RAI14: variants seen among roughly 807,000 people sequenced by gnomAD.
RAI14 encodes the protein retinoic acid induced 14.
RAI14 carries 45 observed loss-of-function variants against 115.4 expected under a neutral mutation model. The ratio of observed to expected loss-of-function variants is 0.39; its 90% CI spans 0.31 to 0.50. The LOEUF (loss-of-function observed/expected upper bound fraction) is 0.50. RAI14 is among the 20% of genes least tolerant of loss of function. RAI14 has a pLI of 0.85. For missense variants in RAI14, 939 were observed against 1,131.2 expected (o/e 0.83, Z 2.44); for synonymous variants, 371 against 415.4 (o/e 0.89, Z 1.30).
intron 2 of RAI14, among the ~76,000 whole-genome samples, chr5:34,728,258 A>C (rs1743730128): frequency 6.6e-6 from 1 of 152,200 alleles, no homozygotes; most frequent in Non-Finnish European, 1.5e-5. Flanking sequence ...GTCTTGTCTC[A>C]GATGAGACTT....
intron 3 of RAI14, among the ~76,000 whole-genome samples, chr5:34,766,845 C>T (rs542276853): frequency 6.6e-6 from 1 of 152,276 alleles, no homozygotes; most frequent in East Asian, 1.9e-4. Flanking sequence ...TCCCATAATT[C>T]CTACATATTG....
At chr5:34,771,506 A>G (rs1029308114) in intron 3 of RAI14, among the ~76,000 whole-genome samples, 1 of 152,242 alleles carries the variant, frequency 6.6e-6, no homozygotes, top group Non-Finnish European at 1.5e-5. Context: ...TTCAGCCGGT[A>G]ATCAGAAACC....
chr5:34,753,085 A>G (rs1173486712), intron 2 of RAI14, among the ~76,000 whole-genome samples: 3 of 152,160 alleles, frequency 2.0e-5, no homozygotes, highest in Non-Finnish European at 4.4e-5. Flanking sequence ...CAGCTTTCAT[A>G]GAGTTGAAAA....
At chr5:34,724,452 G>C (rs1459814470) in intron 2 of RAI14, among the ~76,000 whole-genome samples, 1 of 152,122 alleles carries the variant, frequency 6.6e-6, no homozygotes, top group African/African-American at 2.4e-5. Context: ...CTAATAAATT[G>C]TAACCCACAA....
At chr5:34,720,401 A>ATTTTT (rs35380327) in intron 2 of RAI14, among the ~76,000 whole-genome samples, 4 of 80,250 alleles carry the variant, frequency 5.0e-5, no homozygotes, top group Non-Finnish European at 9.1e-5. Context: ...CCTGTCTCAG[A>ATTTTT]TTTTTTTTTT....
In RAI14 at chr5:34,823,166, C is replaced by A; in HGVS notation, c.1324C>A (p.Gln442Lys). The stretch of plus-strand genomic sequence containing the variant: ...ACTGCAAGAGATTTTGCAAGATCTA[C>A]AGAAGAGATTAGAGAGCTCTGAAGC... The part of the protein sequence containing the change: ...QQLQEILQDL[Q>K]KRLESSEAER... The change falls in exon 15 of 18, where the codon CAG becomes AAG. Residue 442 changes from glutamine to lysine, a missense_variant. Transcript: ENST00000265109. This position sits in a 1 kb window ranked among gnomAD's most constrained non-coding sequence, Gnocchi z 4.5. 6.2e-7 allele frequency: 1 copy of A among 1,613,408 alleles called. No individual in the cohort carries two copies. The highest frequency in any genetic ancestry group is 8.5e-7 in the Non-Finnish European group (1 of 1,179,354).
chr5:34,808,168 G>A (rs1193217348), intron 6 of RAI14, among the ~76,000 whole-genome samples: 2 of 152,190 alleles, frequency 1.3e-5, no homozygotes, highest in Non-Finnish European at 2.9e-5. Context: ...GTGTGATACA[G>A]ACTTTTTGAT....
chr5:34,746,338 C>G (rs1465700284), intron 2 of RAI14, among the ~76,000 whole-genome samples: 7 of 151,196 alleles, frequency 4.6e-5, no homozygotes, highest in Admixed American at 3.3e-4. Context: ...ATCTCCTGAC[C>G]TCATGATCTG....
At chr5:34,788,639 G>C (rs1039268176) in intron 3 of RAI14, among the ~76,000 whole-genome samples, 19 of 152,096 alleles carry the variant, frequency 1.2e-4, no homozygotes, top group African/African-American at 4.6e-4. Flanking sequence ...TACCATACTT[G>C]AGTTAATTCC....
At chr5:34,669,324 T>C (rs1185712445) in intron 1 of RAI14, among the ~76,000 whole-genome samples, 2 of 152,218 alleles carry the variant, frequency 1.3e-5, no homozygotes, top group African/African-American at 4.8e-5. Context: ...TCCCGGCCAA[T>C]CTGTTGATGG....
At position 34,824,167 on chromosome 5, in the gene RAI14, G is replaced by A. The variant is rs202216321; in HGVS notation, c.2325G>A (p.Glu775=). 1 of 1,614,048 alleles carries A rather than the reference G, an allele frequency of 6.2e-7. No homozygotes were observed. Among genetic ancestry groups the A allele is most frequent in the Non-Finnish European group, 8.5e-7 (1 of 1,179,974 alleles). ...AGCTGGAGAAACAACTCTTAGAAGA[G>A]AAAGCTGCTATGACTGATGCAATGG... ...VAKLEKQLLE[E]KAAMTDAMVP... Residue 775 remains glutamate (E), a synonymous_variant, in exon 15 of 18, where the codon GAG becomes GAA. Transcript: ENST00000265109.
chr5:34,690,327 C>A (rs1219653934), intron 2 of RAI14, among the ~76,000 whole-genome samples: 2 of 152,194 alleles, frequency 1.3e-5, no homozygotes, highest in East Asian at 1.9e-4. Flanking sequence ...AGAAAGGATT[C>A]TTTGTATTTC....
At chr5:34,751,975 C>G (rs953598930) in intron 2 of RAI14, among the ~76,000 whole-genome samples, 1 of 152,132 alleles carries the variant, frequency 6.6e-6, no homozygotes, top group African/African-American at 2.4e-5. Flanking sequence ...CTCGTTGAAC[C>G]TAAGTGATTC....
Position 34,807,808 on chromosome 5 carries a change from C to T in RAI14, c.330C>T (p.Cys110=), listed in dbSNP as rs1480967824. 2 of 1,609,010 alleles carry T rather than the reference C, an allele frequency of 1.2e-6. No homozygotes were observed. The highest frequency in any genetic ancestry group is 1.1e-5 in the South Asian group (1 of 90,940). Residue 110 remains cysteine (C), a synonymous_variant, in exon 6 of 18, where the codon TGC becomes TGT. Transcript: ENST00000265109. The part of the protein sequence containing the change: ...ECIRKLLQSK[C]PAESVDSSGK... ...TTATTTTTGTCTTATAGTCTAAATG[C>T]CCAGCCGAAAGTGTCGACAGCTCTG... is the stretch of plus-strand genomic sequence containing the variant.
chr5:34,757,120 C>T (rs1747991281), intron 2 of RAI14, among the ~76,000 whole-genome samples: 1 of 152,156 alleles, frequency 6.6e-6, no homozygotes, highest in Non-Finnish European at 1.5e-5. Context: ...GGCCAACGTG[C>T]TGAGGAGCAG....
chr5:34,680,792 C>T (rs1744328125), intron 1 of RAI14, among the ~76,000 whole-genome samples: 1 of 152,208 alleles, frequency 6.6e-6, no homozygotes, highest in Admixed American at 6.5e-5. Flanking sequence ...TCAAGATTCT[C>T]ACTCTTTGAA....
intron 3 of RAI14, among the ~76,000 whole-genome samples, chr5:34,770,195 C>T (rs746518293): frequency 2.6e-5 from 4 of 152,160 alleles, no homozygotes; most frequent in Non-Finnish European, 4.4e-5. Flanking sequence ...GCTGCTGGCC[C>T]GGAAACCATA....
At chr5:34,797,255 T>C (rs1284159491) in intron 4 of RAI14, among the ~76,000 whole-genome samples, 1 of 152,200 alleles carries the variant, frequency 6.6e-6, no homozygotes, top group Non-Finnish European at 1.5e-5. Flanking sequence ...AATGGATCCC[T>C]TTCTTTTCTC....
At chr5:34,788,545 A>T (rs1212351329) in intron 3 of RAI14, among the ~76,000 whole-genome samples, 1 of 152,204 alleles carries the variant, frequency 6.6e-6, no homozygotes. Context: ...CCCTAATATT[A>T]TAGTAAATAT....
Sources: allele counts gnomAD v4.1 joint callset (sites outside exome capture counted in the v4.1 genomes callset), GRCh38; gene constraint gnomAD v4.1.1; non-coding constraint Gnocchi (gnomAD v3.1); transcripts MANE v1.5; gene names NCBI Gene and HGNC (gene_info 2026-07-23, HGNC 2026-07-21).